INPP5A: variants seen among roughly 807,000 people sequenced by gnomAD.
INPP5A encodes inositol polyphosphate-5-phosphatase A.
A neutral mutation model predicts 65.2 loss-of-function variants in INPP5A; 14 were observed. The observed-to-expected ratio is 0.21, with a 90% CI of 0.14 to 0.34. The LOEUF is 0.34. Among genes scored for constraint, INPP5A ranks in the 10% least tolerant of loss-of-function variants. INPP5A has a pLI of 1.00. For missense variants in INPP5A, 431 were observed against 545.6 expected, an observed-to-expected ratio of 0.79 and a Z score of 2.09; for synonymous variants, 207 against 208.3, an observed-to-expected ratio of 0.99 and a Z score of 0.05.
Position 132,741,010 on chromosome 10 carries a change from T to C in INPP5A, c.733-8507T>C, listed in dbSNP as rs564082481. Reference sequence around the variant, plus strand: ...GTGGGAGGCTGAGGCAGGAGGATCATTGAGCCCAGGAATTCAAGACCAGCC... The same window carrying C: ...GTGGGAGGCTGAGGCAGGAGGATCACTGAGCCCAGGAATTCAAGACCAGCC... On this transcript the variant is annotated intron_variant, in intron 9 of 15. Coordinates refer to ENST00000368594, the MANE Select transcript of INPP5A (RefSeq NM_005539.5). This position sits in a 1 kb window ranked among gnomAD's most constrained non-coding sequence, Gnocchi z 4.4. 3.2e-4 allele frequency among the ~76,000 whole-genome samples: 48 copies of C among 152,234 alleles called. No homozygotes were observed. The highest frequency in any genetic ancestry group is 1.1e-3 in the African/African-American group (45 of 41,556).
intron 4 of INPP5A, among the ~76,000 whole-genome samples, chr10:132,672,652 C>T (rs988503054): frequency 2.0e-5 from 3 of 152,150 alleles, no homozygotes; most frequent in East Asian, 1.9e-4. Flanking sequence ...TCCTCAGTCT[C>T]GGGTATGTAT....
intron 2 of INPP5A, among the ~76,000 whole-genome samples, chr10:132,612,978 G>A (rs532923641): frequency 6.6e-6 from 1 of 152,216 alleles, no homozygotes; most frequent in South Asian, 2.1e-4. Context: ...GTGTGGGACC[G>A]TCTGCACCAG....
At chr10:132,673,947 G>T (rs189554878) in intron 4 of INPP5A, among the ~76,000 whole-genome samples, 1 of 152,204 alleles carries the variant, frequency 6.6e-6, no homozygotes, top group East Asian at 1.9e-4. Context: ...CTTGGTGAGC[G>T]GAAGCTCATG....
intron 12 of INPP5A, among the ~76,000 whole-genome samples, chr10:132,772,966 C>T (rs1195136287): frequency 2.6e-5 from 4 of 152,256 alleles, no homozygotes; most frequent in Admixed American, 6.5e-5. Flanking sequence ...GCCGCCGCTG[C>T]GCACAGCTCC....
intron 2 of INPP5A, among the ~76,000 whole-genome samples, chr10:132,631,053 G>A (rs1040671453): frequency 6.6e-6 from 1 of 152,186 alleles, no homozygotes; most frequent in East Asian, 1.9e-4. Flanking sequence ...TGCTTGGGTG[G>A]GGCCTGCTGG....
intron 4 of INPP5A, among the ~76,000 whole-genome samples, chr10:132,671,519 C>T (rs71481944): frequency 2.3e-3 from 349 of 152,306 alleles, no homozygotes; most frequent in Non-Finnish European, 3.2e-3. Context: ...TACCTCCTTG[C>T]TTTGGAAGGA....
rs548699607 is a variant in INPP5A, at chr10:132,661,286, G to A, written c.306+10781G>A. The stretch of plus-strand genomic sequence containing the variant: ...CAGGAAGAAAAAGGCAAAATGAAGT[G>A]CTTTCATGAATAGTCAGAAGGGTCT... On this transcript the variant is annotated intron_variant, in intron 4 of 15. Transcript: ENST00000368594. Among the ~76,000 whole-genome samples the A allele has an allele frequency of 3.5e-4, 53 of 152,310 alleles. 1 individual carries two copies. Among genetic ancestry groups the A allele is most frequent in the Non-Finnish European group, 7.2e-4 (49 of 68,032 alleles).
intron 2 of INPP5A, among the ~76,000 whole-genome samples, chr10:132,642,802 G>C: frequency 6.6e-6 from 1 of 152,318 alleles, no homozygotes; most frequent in East Asian, 1.9e-4. Flanking sequence ...AGGGGCGGCC[G>C]CACGTGGGGA....
At chr10:132,708,632 A>C (rs1216211292) in intron 7 of INPP5A, 1 of 559,900 alleles carries the variant, frequency 1.8e-6, no homozygotes, top group Admixed American at 2.4e-5. Context: ...CCGCAGCTGG[A>C]GAGTTCCGCT....
At chr10:132,765,235 G>A (rs1846821666) in intron 11 of INPP5A, among the ~76,000 whole-genome samples, 1 of 152,182 alleles carries the variant, frequency 6.6e-6, no homozygotes, top group African/African-American at 2.4e-5. Flanking sequence ...TGTTTTGGAA[G>A]AGTCTCAGGG....
At chr10:132,732,095 C>T (rs1181065790) in intron 9 of INPP5A, among the ~76,000 whole-genome samples, 1 of 152,254 alleles carries the variant, frequency 6.6e-6, no homozygotes, top group African/African-American at 2.4e-5. Flanking sequence ...CCCGGCCACC[C>T]TGGTCTCTGG....
intron 1 of INPP5A, among the ~76,000 whole-genome samples, chr10:132,556,580 C>A (rs1176506789): frequency 6.6e-6 from 1 of 152,220 alleles, no homozygotes; most frequent in Non-Finnish European, 1.5e-5. Flanking sequence ...ATGCATACCA[C>A]ATAGGCACAC....
intron 1 of INPP5A, among the ~76,000 whole-genome samples, chr10:132,602,684 G>A (rs1013909121): frequency 7.2e-5 from 11 of 152,150 alleles, no homozygotes; most frequent in African/African-American, 1.2e-4. Flanking sequence ...TACTTCTTCC[G>A]TTCCCATTCG....
intron 10 of INPP5A, 70 bp from the exon 11 acceptor site, chr10:132,749,701 C>A (rs1244577409): frequency 1.9e-6 from 3 of 1,595,876 alleles, no homozygotes; most frequent in Non-Finnish European, 2.6e-6. Flanking sequence ...CTGCCCGGTT[C>A]GGTGGGGGCT....
At position 132,741,505 on chromosome 10, in the gene INPP5A, G is replaced by A. The variant is rs1261804319; in HGVS notation, c.733-8012G>A. ...CACCCAGAAGAGGATACCCCCGAAT[G>A]AAGCTGGAGGCTGCTGTCCACTCCA... is the stretch of plus-strand genomic sequence containing the variant. On this transcript the variant is annotated intron_variant, in intron 9 of 15. Coordinates refer to ENST00000368594, the MANE Select transcript of INPP5A (RefSeq NM_005539.5). The surrounding 1 kb of genome is among the most constrained non-coding windows in gnomAD (Gnocchi z 4.4). Among the ~76,000 whole-genome samples, 1 of 152,148 alleles carries A rather than the reference G, an allele frequency of 6.6e-6. No homozygotes were observed. The highest frequency in any genetic ancestry group is 2.4e-5 in the African/African-American group (1 of 41,430).
At chr10:132,685,819 G>C (rs918173266) in intron 4 of INPP5A, among the ~76,000 whole-genome samples, 1 of 152,222 alleles carries the variant, frequency 6.6e-6, no homozygotes, top group Non-Finnish European at 1.5e-5. Flanking sequence ...CCCTGAGTTG[G>C]CTGTGTTTGC....
chr10:132,569,543 A>G (rs1465215485), intron 1 of INPP5A, among the ~76,000 whole-genome samples: 1 of 152,188 alleles, frequency 6.6e-6, no homozygotes, highest in African/African-American at 2.4e-5. Flanking sequence ...TTTTTTGTAG[A>G]GACGGGGTCT....
chr10:132,708,706 G>C (rs1272652738), intron 7 of INPP5A, among the ~76,000 whole-genome samples: 1 of 152,238 alleles, frequency 6.6e-6, no homozygotes, highest in Non-Finnish European at 1.5e-5. Flanking sequence ...CCCTGTGGCT[G>C]CCCAGTGAGA....
At chr10:132,668,012 A>G (rs966190819) in intron 4 of INPP5A, among the ~76,000 whole-genome samples, 1 of 152,252 alleles carries the variant, frequency 6.6e-6, no homozygotes, top group Non-Finnish European at 1.5e-5. Context: ...TACATTGAAC[A>G]TAAGTTGGAG....
Sources: gnomAD v4.1 joint callset for allele counts (sites outside exome capture counted in the v4.1 genomes callset) on GRCh38, gnomAD v4.1.1 for gene constraint, Gnocchi (gnomAD v3.1) non-coding constraint, MANE v1.5 for transcripts, NCBI Gene and HGNC (gene_info 2026-07-23, HGNC 2026-07-21) for gene names.